TRNP1: variants seen among roughly 807,000 people sequenced by gnomAD.
TRNP1 encodes TMF-regulated nuclear protein 1.
A neutral mutation model predicts 12.2 loss-of-function variants in TRNP1; 16 were observed. The ratio of observed to expected loss-of-function variants is 1.31; its 90% CI spans 0.89 to 1.99. The LOEUF (loss-of-function observed/expected upper bound fraction) is 1.99, where lower values mean the gene tolerates loss of function less well. Among genes scored for constraint, TRNP1 ranks in the 30% most tolerant of loss-of-function variants. The pLI is 0.00. For synonymous variants in TRNP1, 139 were observed against 166.2 expected (o/e 0.84, Z 1.26); for missense variants, 338 against 330.4 (o/e 1.02, Z -0.18).
Position 26,993,980 on chromosome 1 carries a change from C to A in TRNP1, c.194C>A (p.Ala65Asp), listed in dbSNP as rs1229154032. ...PDAAGASAGA[A>D]EDQELQRWRQ... Reference sequence around the variant, plus strand: ...GCAGCTGGGGCTTCAGCAGGCGCGGCCGAGGACCAGGAGCTGCAGCGCTGG... The same window carrying A: ...GCAGCTGGGGCTTCAGCAGGCGCGGACGAGGACCAGGAGCTGCAGCGCTGG... Residue 65 changes from alanine (A) to aspartate (D), a missense_variant, in exon 1 of 2, where the codon GCC becomes GAC. Ala to Asp is a moderately radical substitution (Grantham distance 126, BLOSUM62 -2). Coordinates refer to ENST00000522111, the MANE Select transcript of TRNP1 (RefSeq NM_001013642.3). 4 of 1,315,218 alleles carry A rather than the reference C, an allele frequency of 3.0e-6. No homozygotes were observed. Among genetic ancestry groups the A allele is most frequent in the African/African-American group, 3.1e-5 (2 of 64,916 alleles). 81.5% of individuals were successfully genotyped at this position (1,315,218 alleles called of 1,614,324 possible).
chr1:26,994,362 C>T lies in TRNP1; in HGVS notation c.576C>T (p.Gly192=). The change falls in exon 1 of 2, where the codon GGC becomes GGT. Residue 192 remains glycine (G), a synonymous_variant. Transcript: ENST00000522111. The surrounding 1 kb of genome is among the most constrained non-coding windows in gnomAD (Gnocchi z 6.9). ...TGCTGGCCTCGGCGCTGGGCCTGGG[C>T]GGCTGCGTGCCCTGGGGTGCCGGGC... The part of the protein sequence containing the change: ...PALLASALGL[G]GCVPWGAGRL... 9.2e-7 allele frequency: 1 copy of T among 1,087,718 alleles called. No homozygotes were observed. The highest frequency in any genetic ancestry group is 1.1e-6 in the Non-Finnish European group (1 of 897,246). 67.4% of individuals were successfully genotyped at this position (1,087,718 alleles called of 1,614,324 possible).
chr1:26,994,728 G>A lies in TRNP1; in HGVS notation c.*142+116G>A, dbSNP rs2124192238. 1 of 184,022 alleles carries A rather than the reference G, an allele frequency of 5.4e-6. No individual in the cohort carries two copies. Among genetic ancestry groups the A allele is most frequent in the South Asian group, 2.0e-4 (1 of 5,088 alleles). 11.4% of individuals were successfully genotyped at this position (184,022 alleles called of 1,614,324 possible). A position where few individuals can be genotyped will look rare whatever the true frequency, so the allele number is the denominator to read the frequency against. ...TGGCGTCTGCTGGGTCCCTAGTAAAGCTGCCACTTTCTGTTGCCGCCTCTC... is the reference window on the plus strand; with the variant it reads ...TGGCGTCTGCTGGGTCCCTAGTAAAACTGCCACTTTCTGTTGCCGCCTCTC... On this transcript the variant is annotated intron_variant, in intron 1 of 1. Coordinates refer to ENST00000522111, the MANE Select transcript of TRNP1 (RefSeq NM_001013642.3). This position sits in a 1 kb window ranked among gnomAD's most constrained non-coding sequence, Gnocchi z 6.9.
intron 1 of TRNP1, among the ~76,000 whole-genome samples, chr1:26,999,377 T>C (rs956438822): frequency 6.6e-6 from 1 of 152,114 alleles, no homozygotes; most frequent in Non-Finnish European, 1.5e-5. Flanking sequence ...AGAGCAAAAC[T>C]TCGTCTCAAA....
intron 1 of TRNP1, among the ~76,000 whole-genome samples, chr1:26,997,323 A>AC (rs1246189777): frequency 6.7e-6 from 1 of 148,562 alleles, no homozygotes; most frequent in African/African-American, 2.5e-5. Flanking sequence ...CTCAAGAAAA[A>AC]AAAAAAAAAA....
chr1:26,997,316 A>G (rs1003958276), intron 1 of TRNP1, among the ~76,000 whole-genome samples: 2 of 118,292 alleles, frequency 1.7e-5, no homozygotes, highest in Non-Finnish European at 3.6e-5. Context: ...ACTGTGTCTC[A>G]AGAAAAAAAA....
chr1:26,993,892 C>T lies in TRNP1; in HGVS notation c.106C>T (p.Pro36Ser). ...PWDPMPSSQP[P>S]PPTPTLTPTP... Reference sequence around the variant, plus strand: ...GGATCCCATGCCGTCCTCTCAGCCCCCGCCCCCAACTCCGACCTTGACTCC... The same window carrying T: ...GGATCCCATGCCGTCCTCTCAGCCCTCGCCCCCAACTCCGACCTTGACTCC... The change falls in exon 1 of 2, where the codon CCG becomes TCG. Residue 36 changes from proline (P) to serine (S), a missense_variant. Transcript: ENST00000522111. The T allele has an allele frequency of 7.3e-7, 1 of 1,374,904 alleles. No individual in the cohort carries two copies. Among genetic ancestry groups the T allele is most frequent in the Non-Finnish European group, 9.3e-7 (1 of 1,070,884 alleles). 85.2% of individuals were successfully genotyped at this position (1,374,904 alleles called of 1,614,324 possible).
chr1:26,995,114 G>A (rs1447111003), intron 1 of TRNP1, among the ~76,000 whole-genome samples: 1 of 152,202 alleles, frequency 6.6e-6, no homozygotes, highest in African/African-American at 2.4e-5. Flanking sequence ...GAGAGGTTTA[G>A]GATTTGTTCT....
rs1047861977 is a variant in TRNP1, at chr1:26,994,220, C to A, written c.434C>A (p.Ala145Glu). Reference protein sequence around the residue: ...LAAELRLAHRAESLSRLSGGV... With the variant: ...LAAELRLAHREESLSRLSGGV... ...GCCGAGCTGCGCCTGGCGCACCGCG[C>A]GGAGAGCCTGAGCCGCCTGAGCGGC... Residue 145 changes from alanine to glutamate, a missense_variant, in exon 1 of 2, where the codon GCG becomes GAG. Physicochemically the swap from Ala to Glu is moderately radical, Grantham distance 107. Coordinates refer to ENST00000522111, the MANE Select transcript of TRNP1 (RefSeq NM_001013642.3). This position sits in a 1 kb window ranked among gnomAD's most constrained non-coding sequence, Gnocchi z 6.9. 2 of 1,273,928 alleles carry A rather than the reference C, an allele frequency of 1.6e-6. No individual in the cohort carries two copies. The highest frequency in any genetic ancestry group is 2.0e-6 in the Non-Finnish European group (2 of 1,006,188). The allele number at this position is 1,273,928 out of a possible 1,614,324, so 78.9% of individuals were successfully genotyped here.
intron 1 of TRNP1, among the ~76,000 whole-genome samples, chr1:26,998,662 C>T (rs1273560524): frequency 2.0e-5 from 3 of 152,112 alleles, no homozygotes; most frequent in Non-Finnish European, 4.4e-5. Flanking sequence ...TGGCCAGGGG[C>T]GATGGGGGAA....
At chr1:26,995,458 C>T (rs1476830904) in intron 1 of TRNP1, among the ~76,000 whole-genome samples, 9 of 152,192 alleles carry the variant, frequency 5.9e-5, no homozygotes, top group Admixed American at 5.9e-4. Flanking sequence ...TCCTCTGTCC[C>T]CACTGTGAAT....
At position 26,993,910 on chromosome 1, in the gene TRNP1, T is replaced by A; in HGVS notation, c.124T>A (p.Leu42Met). The change falls in exon 1 of 2, where the codon TTG becomes ATG. Residue 42 changes from leucine (L) to methionine (M), a missense_variant. Coordinates refer to ENST00000522111, the MANE Select transcript of TRNP1 (RefSeq NM_001013642.3). ...TCAGCCCCCGCCCCCAACTCCGACC[T>A]TGACTCCTACCCCGACCCCGGGTCA... Reference protein sequence around the residue: ...SSQPPPPTPTLTPTPTPGQSP... With the variant: ...SSQPPPPTPTMTPTPTPGQSP... 7.2e-7 allele frequency: 1 copy of A among 1,381,814 alleles called. No homozygotes were observed. The highest frequency in any genetic ancestry group is 9.3e-7 in the Non-Finnish European group (1 of 1,076,152). 85.6% of individuals were successfully genotyped at this position (1,381,814 alleles called of 1,614,324 possible).
In TRNP1 at chr1:26,994,079, G is replaced by T; in HGVS notation, c.293G>T (p.Gly98Val). Residue 98 changes from glycine (G) to valine (V), a missense_variant, in exon 1 of 2, where the codon GGC (glycine) becomes GTC (valine). Physicochemically the swap from Gly to Val is moderately radical, Grantham distance 109. Transcript: ENST00000522111. The surrounding 1 kb of genome is among the most constrained non-coding windows in gnomAD (Gnocchi z 6.9). Reference sequence around the variant, plus strand: ...TCTGGCGCGGCTGCGGGGGCGGGGGGCCGCGCGCTGGAGCTGGCCGAAGCA... The same window carrying T: ...TCTGGCGCGGCTGCGGGGGCGGGGGTCCGCGCGCTGGAGCTGGCCGAAGCA... ...GGSGAAAGAG[G>V]RALELAEARR... The T allele has an allele frequency of 8.2e-7, 1 of 1,217,098 alleles. No homozygotes were observed. Among genetic ancestry groups the T allele is most frequent in the Non-Finnish European group, 1.0e-6 (1 of 979,888 alleles). The allele number at this position is 1,217,098 out of a possible 1,614,324, so 75.4% of individuals were successfully genotyped here.
intron 1 of TRNP1, among the ~76,000 whole-genome samples, chr1:26,997,106 G>A (rs1055427724): frequency 6.6e-6 from 1 of 151,380 alleles, no homozygotes; most frequent in Admixed American, 6.6e-5. Context: ...GGAGGCCCAC[G>A]AGGGCCAATC....
Position 26,994,488 on chromosome 1 carries a change from CT to C in TRNP1, c.*19del. 6 of 1,174,970 alleles carry C rather than the reference CT, an allele frequency of 5.1e-6. No homozygotes were observed. Among genetic ancestry groups the C allele is most frequent in the Non-Finnish European group, 6.3e-6 (6 of 950,538 alleles). 72.8% of individuals were successfully genotyped at this position (1,174,970 alleles called of 1,614,324 possible). On this transcript the variant is annotated 3_prime_UTR_variant, in exon 1 of 2. Coordinates refer to ENST00000522111, the MANE Select transcript of TRNP1 (RefSeq NM_001013642.3). This position sits in a 1 kb window ranked among gnomAD's most constrained non-coding sequence, Gnocchi z 6.9. ...AGCGCTGACCTCCACGCCCGGACCCCTGGCCACCCCGACAAGCTTCGCCGAG... is the reference window on the plus strand; with the variant it reads ...AGCGCTGACCTCCACGCCCGGACCCCGGCCACCCCGACAAGCTTCGCCGAG...
chr1:26,999,452 C>T (rs2082561698), intron 1 of TRNP1, among the ~76,000 whole-genome samples: 2 of 152,158 alleles, frequency 1.3e-5, no homozygotes, highest in South Asian at 4.1e-4. Context: ...TAGTAGAGAT[C>T]CGTAAATGAT....
At chr1:26,997,926 C>G (rs2082553313) in intron 1 of TRNP1, among the ~76,000 whole-genome samples, 1 of 152,114 alleles carries the variant, frequency 6.6e-6, no homozygotes, top group Non-Finnish European at 1.5e-5. Flanking sequence ...CCCGGGGCTT[C>G]CTAGACCTTG....
chr1:26,995,853 C>T (rs745822669), intron 1 of TRNP1, among the ~76,000 whole-genome samples: 3 of 152,224 alleles, frequency 2.0e-5, no homozygotes, highest in Admixed American at 6.5e-5. Context: ...TGTTCTTGAA[C>T]TCCCGACCTC....
At chr1:26,998,923 C>T (rs1448416847) in intron 1 of TRNP1, among the ~76,000 whole-genome samples, 7 of 152,244 alleles carry the variant, frequency 4.6e-5, no homozygotes, top group Middle Eastern at 3.4e-3. Context: ...AAGAGAGGTC[C>T]GTTTAGGGGG....
intron 1 of TRNP1, among the ~76,000 whole-genome samples, chr1:26,997,060 G>T (rs953427360): frequency 6.7e-6 from 1 of 149,614 alleles, no homozygotes; most frequent in African/African-American, 2.5e-5. Context: ...ATTCAGGCTG[G>T]GTGCGGTGGC....
Sources: allele counts gnomAD v4.1 joint callset (sites outside exome capture counted in the v4.1 genomes callset), GRCh38; gene constraint gnomAD v4.1.1; non-coding constraint Gnocchi (gnomAD v3.1); transcripts MANE v1.5; gene names NCBI Gene and HGNC (gene_info 2026-07-23, HGNC 2026-07-21).